FAR1: variants seen among roughly 807,000 people sequenced by gnomAD.
FAR1 encodes fatty acyl-CoA reductase 1, also known as male sterility domain-containing protein 2.
FAR1 carries 22 observed loss-of-function variants against 61.1 expected under a neutral mutation model. That is an observed-to-expected ratio of 0.36 (90% confidence interval 0.26 to 0.51). FAR1 has a LOEUF of 0.51. Among genes scored for constraint, FAR1 ranks in the 20% least tolerant of loss-of-function variants. The pLI, the probability that FAR1 is intolerant of heterozygous loss-of-function variation, is 0.95. For synonymous variants in FAR1, 206 were observed against 209.7 expected, an observed-to-expected ratio of 0.98 and a Z score of 0.15; for missense variants, 359 against 626.9, an observed-to-expected ratio of 0.57 and a Z score of 4.56.
Position 13,703,360 on chromosome 11 carries a change from T to G in FAR1, c.365+2868T>G, listed in dbSNP as rs192232699. 2.2e-3 allele frequency among the ~76,000 whole-genome samples: 334 copies of G among 152,234 alleles called. 1 individual carries two copies. The highest frequency in any genetic ancestry group is 3.9e-3 in the Non-Finnish European group (265 of 68,008). ...CAACACACCTGTCTAATTTTTGTGT[T>G]TTTTGTAGAGACAGGGTTTCACTAA... is the stretch of plus-strand genomic sequence containing the variant. On this transcript the variant is annotated intron_variant, in intron 3 of 11. Coordinates refer to ENST00000354817, the MANE Select transcript of FAR1 (RefSeq NM_032228.6).
chr11:13,727,538 A>AT lies in FAR1; in HGVS notation c.1258-11dup, dbSNP rs770406530. The AT allele has an allele frequency of 2.6e-5, 41 of 1,568,124 alleles. No homozygotes were observed. Among genetic ancestry groups the AT allele is most frequent in the South Asian group, 2.2e-4 (18 of 83,222 alleles). ...AAATTAGTCAAGAAAATAATCAGTAATTTTTTTGTTAACGTAGACCTTCAA... is the reference window on the plus strand; with the variant it reads ...AAATTAGTCAAGAAAATAATCAGTAATTTTTTTTGTTAACGTAGACCTTCAA... On this transcript the variant is annotated splice_polypyrimidine_tract_variant and intron_variant, in intron 10 of 11. Coordinates refer to ENST00000354817, the MANE Select transcript of FAR1 (RefSeq NM_032228.6).
chr11:13,700,272 G>A (rs373841275), intron 2 of FAR1, 45 bp from the exon 3 acceptor site: 1 of 1,441,604 alleles, frequency 6.9e-7, no homozygotes, highest in African/African-American at 1.5e-5. Flanking sequence ...GTTTTAGAAA[G>A]TGGAAAAATA....
chr11:13,730,109 A>G lies in FAR1; in HGVS notation c.*1335A>G, dbSNP rs1277827721. The G allele has an allele frequency of 1.3e-5, 2 of 152,452 alleles. No individual in the cohort carries two copies. The highest frequency in any genetic ancestry group is 1.3e-4 in the Admixed American group (2 of 15,254). The allele number at this position is 152,452 out of a possible 1,614,324, so 9.4% of individuals were successfully genotyped here. On this transcript the variant is annotated 3_prime_UTR_variant, in exon 12 of 12. Transcript: ENST00000354817. Reference sequence around the variant, plus strand: ...CATTTGATTTAACAAATTGTTCAGCATAACACTTCTAATTAAGTTTATCAA... The same window carrying G: ...CATTTGATTTAACAAATTGTTCAGCGTAACACTTCTAATTAAGTTTATCAA...
chr11:13,692,092 A>G (rs932206305), intron 1 of FAR1, among the ~76,000 whole-genome samples: 1 of 152,148 alleles, frequency 6.6e-6, no homozygotes. Flanking sequence ...ACTTGAACCC[A>G]GGAGGTAAAG....
intron 9 of FAR1, 48 bp downstream of exon 9, chr11:13,714,728 A>G (rs1312753276): frequency 2.0e-6 from 3 of 1,508,038 alleles, no homozygotes; most frequent in Admixed American, 2.2e-5. Context: ...TAAACAACCC[A>G]TGCTTACACT....
In FAR1 at chr11:13,714,639, C is replaced by G; in HGVS notation, c.1086C>G (p.Phe362Leu). The G allele has an allele frequency of 6.2e-7, 1 of 1,613,134 alleles. No homozygotes were observed. Among genetic ancestry groups the G allele is most frequent in the Non-Finnish European group, 8.5e-7 (1 of 1,179,494 alleles). Residue 362 changes from phenylalanine (F) to leucine (L), a missense_variant, in exon 9 of 12, where the codon TTC (phenylalanine) becomes TTG (leucine). By Grantham distance (22) the Phe-to-Leu change is conservative. Transcript: ENST00000354817. ...WIAVSHKAPA[F>L]LYDIYLRMTG... ...CTGTAAGCCATAAGGCCCCAGCATTCCTGTATGATATCTACCTCAGGATGA... is the reference window on the plus strand; with the variant it reads ...CTGTAAGCCATAAGGCCCCAGCATTGCTGTATGATATCTACCTCAGGATGA...
At chr11:13,688,129 A>C (rs954394762) in intron 1 of FAR1, among the ~76,000 whole-genome samples, 1 of 152,144 alleles carries the variant, frequency 6.6e-6, no homozygotes, top group Non-Finnish European at 1.5e-5. Flanking sequence ...TTTGAAAATA[A>C]ATATCAAAAT....
intron 1 of FAR1, among the ~76,000 whole-genome samples, chr11:13,689,524 C>T (rs1248437786): frequency 6.6e-6 from 1 of 152,182 alleles, no homozygotes; most frequent in African/African-American, 2.4e-5. Flanking sequence ...GCATATACCA[C>T]ACTGTATATG....
chr11:13,708,167 GC>G, intron 4 of FAR1, 88 bp downstream of exon 4: 2 of 902,364 alleles, frequency 2.2e-6, no homozygotes, highest in Non-Finnish European at 3.1e-6. Flanking sequence ...TTCAAGAGCA[GC>G]CAGGCCAACA....
chr11:13,722,358 GCCT>G (rs1283517541), intron 10 of FAR1, among the ~76,000 whole-genome samples: 1 of 151,908 alleles, frequency 6.6e-6, no homozygotes, highest in Non-Finnish European at 1.5e-5. Flanking sequence ...AATATTTATA[GCCT>G]CCTTCTTAAT....
intron 3 of FAR1, 74 bp downstream of exon 3, chr11:13,700,566 T>C: frequency 1.0e-6 from 1 of 992,802 alleles, no homozygotes; most frequent in Non-Finnish European, 1.4e-6. Flanking sequence ...TTCTACTTTT[T>C]AGTCAATTTG....
At chr11:13,713,778 G>GTAAAATTGA (rs2134193598) in intron 8 of FAR1, among the ~76,000 whole-genome samples, 2 of 152,050 alleles carry the variant, frequency 1.3e-5, no homozygotes, top group South Asian at 4.2e-4. Flanking sequence ...TTATTTCAGT[G>GTAAAATTGA]TAAAATTGAC....
At position 13,721,953 on chromosome 11, in the gene FAR1, T is replaced by G. The variant is rs547844875; in HGVS notation, c.1257+94T>G. On this transcript the variant is annotated intron_variant, in intron 10 of 11. Transcript: ENST00000354817. This position sits in a 1 kb window ranked among gnomAD's most constrained non-coding sequence, Gnocchi z 4.2. ...TGAGAAATATTTTCCACAGCTATTA[T>G]GCAACAAGTAAGCCATTATTTATAG... 9 of 1,018,348 alleles carry G rather than the reference T, an allele frequency of 8.8e-6. No individual in the cohort carries two copies. The highest frequency in any genetic ancestry group is 1.3e-5 in the Non-Finnish European group (9 of 712,952). The allele number at this position is 1,018,348 out of a possible 1,614,324, so 63.1% of individuals were successfully genotyped here.
chr11:13,704,944 G>A (rs540131487), intron 3 of FAR1, among the ~76,000 whole-genome samples: 1 of 152,258 alleles, frequency 6.6e-6, no homozygotes, highest in South Asian at 2.1e-4. Context: ...GTTATGCCAA[G>A]TATGAGAACC....
intron 10 of FAR1, among the ~76,000 whole-genome samples, chr11:13,722,367 TTAA>T (rs564810920): frequency 3.2e-4 from 49 of 152,272 alleles, no homozygotes; most frequent in South Asian, 8.3e-4. Context: ...AGCCTCCTTC[TTAA>T]TAATAATAAT....
At chr11:13,708,443 G>GCACA (rs770468143) in intron 4 of FAR1, among the ~76,000 whole-genome samples, 472 of 84,400 alleles carry the variant, frequency 5.6e-3, no homozygotes, top group Non-Finnish European at 7.6e-3. Flanking sequence ...GTGCGCGCGC[G>GCACA]CGCGCACACA....
intron 1 of FAR1, among the ~76,000 whole-genome samples, chr11:13,672,891 TA>T (rs1020015966): frequency 6.6e-6 from 1 of 152,194 alleles, no homozygotes; most frequent in African/African-American, 2.4e-5. Flanking sequence ...ATTTAAGGTT[TA>T]AAAAAACCCA....
chr11:13,717,140 C>T (rs1390660231), intron 9 of FAR1, among the ~76,000 whole-genome samples: 1 of 151,986 alleles, frequency 6.6e-6, no homozygotes, highest in African/African-American at 2.4e-5. Context: ...CCCCACTCAT[C>T]CTGCCTTCCC....
chr11:13,678,632 G>GT (rs1468340394), intron 1 of FAR1, among the ~76,000 whole-genome samples: 1 of 152,146 alleles, frequency 6.6e-6, no homozygotes, highest in Admixed American at 6.5e-5. Context: ...TTGAAGGCTG[G>GT]TTTAGTAATC....
Sources: allele counts gnomAD v4.1 joint callset (sites outside exome capture counted in the v4.1 genomes callset), GRCh38; gene constraint gnomAD v4.1.1; non-coding constraint Gnocchi (gnomAD v3.1); transcripts MANE v1.5; gene names NCBI Gene and HGNC (gene_info 2026-07-23, HGNC 2026-07-21).